TBC1D1: variants seen among roughly 807,000 people sequenced by gnomAD.
The protein encoded by TBC1D1 is TBC1 (tre-2/USP6, BUB2, cdc16) domain family, member 1.
TBC1D1 carries 89 observed loss-of-function variants against 125.6 expected under a neutral mutation model. The observed-to-expected ratio is 0.71, with a 90% confidence interval of 0.60 to 0.85. The LOEUF is 0.85. Ranked by LOEUF, TBC1D1 falls within the 40% of genes least tolerant of loss-of-function variation. The pLI, the probability that TBC1D1 is intolerant of heterozygous loss-of-function variation, is 0.00. For synonymous variants in TBC1D1, 565 were observed against 564.1 expected, an observed-to-expected ratio of 1.00 and a Z score of -0.02; for missense variants, 1,377 against 1,469.2, an observed-to-expected ratio of 0.94 and a Z score of 1.03.
At chr4:38,052,182 TGTGTGTGTGTGTGC>T in intron 11 of TBC1D1, 122 bp downstream of exon 12, 5 of 804,530 alleles carry the variant, frequency 6.2e-6, no homozygotes, top group Non-Finnish European at 5.9e-6. Context: ...TGTGTGTGTG[TGTGTGTGTGTGTGC>T]GCGCGCGTGT....
At chr4:38,124,259 G>A in intron 17 of TBC1D1, among the ~76,000 whole-genome samples, 1 of 152,158 alleles carries the variant, frequency 6.6e-6, no homozygotes, top group South Asian at 2.1e-4. Context: ...AGGAAGGTGA[G>A]ACAGGGCTAG....
rs9790333 is a variant in TBC1D1, at chr4:38,106,026, C to G, written c.2557+2869C>G. ...CCTGTATTTCTTACTCCACCTCCCC[C>G]GCCTGTCCTTAGTATACAGCAGTGG... On this transcript the variant is annotated intron_variant, in intron 15 of 19. Transcript: ENST00000261439. Among the ~76,000 whole-genome samples, 219 of 152,258 alleles carry G rather than the reference C, an allele frequency of 1.4e-3. 5 individuals are homozygous for G. In the East Asian group the frequency reaches 0.035, roughly 24 times the overall value.
At chr4:37,903,338 G>A (rs1040804694) in intron 2 of TBC1D1, among the ~76,000 whole-genome samples, 11 of 152,204 alleles carry the variant, frequency 7.2e-5, no homozygotes, top group African/African-American at 2.7e-4. Context: ...ATGAGGATTA[G>A]CTTAGATAAA....
At chr4:37,925,681 C>CAAAAAAAAAA (rs34337656) in intron 2 of TBC1D1, among the ~76,000 whole-genome samples, 1 of 106,576 alleles carries the variant, frequency 9.4e-6, no homozygotes. Context: ...GACTCCATCT[C>CAAAAAAAAAA]AAAAAAAAAA....
intron 12 of TBC1D1, among the ~76,000 whole-genome samples, chr4:38,062,672 A>G (rs1752985517): frequency 6.6e-6 from 1 of 151,566 alleles, no homozygotes; most frequent in African/African-American, 2.4e-5. Context: ...TCATTTCAAA[A>G]GTCAAGGAAG....
intron 2 of TBC1D1, among the ~76,000 whole-genome samples, chr4:37,903,601 C>T (rs1224537289): frequency 1.3e-5 from 2 of 152,208 alleles, no homozygotes; most frequent in Admixed American, 6.5e-5. Context: ...TTTCTCTCTG[C>T]ACTCCATTAG....
chr4:38,028,457 C>A (rs901544038), intron 7 of TBC1D1, among the ~76,000 whole-genome samples: 1 of 152,196 alleles, frequency 6.6e-6, no homozygotes, highest in Non-Finnish European at 1.5e-5. Flanking sequence ...AGCCACCACG[C>A]CCAGCCCAAA....
At chr4:38,052,765 G>C (rs10670841) in intron 11 of TBC1D1, among the ~76,000 whole-genome samples, 27,954 of 88,594 alleles carry the variant, frequency 0.32, 2,775 homozygotes, top group East Asian at 0.46. Flanking sequence ...CACACACACA[G>C]GATAACATCT....
chr4:37,965,523 C>T (rs756790813), intron 2 of TBC1D1, among the ~76,000 whole-genome samples: 14 of 152,020 alleles, frequency 9.2e-5, no homozygotes, highest in Admixed American at 9.2e-4. Flanking sequence ...AGCAGGGGTA[C>T]CTTGAAGTGG....
intron 11 of TBC1D1, among the ~76,000 whole-genome samples, chr4:38,052,724 GCGCGCACACA>G (rs760669797): frequency 1.5e-3 from 93 of 60,006 alleles, no homozygotes; most frequent in Middle Eastern, 0.011. Context: ...GCGCGCGCGC[GCGCGCACACA>G]CACACACACA....
intron 1 of TBC1D1, among the ~76,000 whole-genome samples, chr4:37,893,263 A>C (rs1713760859): frequency 6.6e-6 from 1 of 151,658 alleles, no homozygotes; most frequent in African/African-American, 2.4e-5. Flanking sequence ...AGTCCTTCCT[A>C]CTCTCTCCAC....
At chr4:37,961,221 T>C in intron 2 of TBC1D1, 1 of 703,944 alleles carries the variant, frequency 1.4e-6, no homozygotes, top group South Asian at 2.0e-5. Flanking sequence ...TGGGGATATG[T>C]CAACATGATT....
At chr4:38,080,098 A>T (rs191969997) in intron 12 of TBC1D1, among the ~76,000 whole-genome samples, 1 of 152,284 alleles carries the variant, frequency 6.6e-6, no homozygotes, top group Admixed American at 6.5e-5. Flanking sequence ...TCGTGTGGGG[A>T]CCACATTTTG....
chr4:38,015,120 G>C, intron 3 of TBC1D1, 147 bp downstream of exon 3: 1 of 725,122 alleles, frequency 1.4e-6, no homozygotes, highest in Non-Finnish European at 2.2e-6. Context: ...TCTATTCTTA[G>C]GATAAGCTCC....
chr4:38,040,210 T>A (rs1748080553), intron 8 of TBC1D1, among the ~76,000 whole-genome samples: 1 of 152,220 alleles, frequency 6.6e-6, no homozygotes, highest in Non-Finnish European at 1.5e-5. Flanking sequence ...AACACATGCA[T>A]ACAAATGCAC....
In TBC1D1 at chr4:37,957,038, G is replaced by A. The variant is rs148542176; in HGVS notation, c.417+54526G>A. Among the ~76,000 whole-genome samples, 103 of 151,960 alleles carry A rather than the reference G, an allele frequency of 6.8e-4. 1 individual carries two copies. In the East Asian group the frequency reaches 0.016, roughly 24 times the overall value. On this transcript the variant is annotated intron_variant, in intron 2 of 19. Transcript: ENST00000261439. ...GAAACTTAAAGAATTACTCCTATCC[G>A]GTCTTTGGGATTATCTGCACCATGG... is the stretch of plus-strand genomic sequence containing the variant.
intron 2 of TBC1D1, among the ~76,000 whole-genome samples, chr4:37,918,860 A>G (rs1455063618): frequency 6.6e-6 from 1 of 152,236 alleles, no homozygotes; most frequent in Non-Finnish European, 1.5e-5. Context: ...TGTATTCTGT[A>G]CAACACATAC....
intron 12 of TBC1D1, among the ~76,000 whole-genome samples, chr4:38,080,640 G>A (rs1023557740): frequency 5.3e-5 from 8 of 152,154 alleles, no homozygotes; most frequent in Admixed American, 6.5e-5. Context: ...ACTCAGCACT[G>A]GACCTTTCCC....
At chr4:38,113,252 C>A (rs1272846177) in intron 15 of TBC1D1, among the ~76,000 whole-genome samples, 4 of 152,170 alleles carry the variant, frequency 2.6e-5, no homozygotes, top group Admixed American at 2.0e-4. Context: ...CCAGTGTGAC[C>A]GCACAGAACA....
Sources: gnomAD v4.1 joint callset for allele counts (sites outside exome capture counted in the v4.1 genomes callset) on GRCh38, gnomAD v4.1.1 for gene constraint, MANE v1.5 for transcripts, NCBI Gene and HGNC (gene_info 2026-07-23, HGNC 2026-07-21) for gene names.